BAZ2A: variants seen among roughly 807,000 people sequenced by gnomAD.
BAZ2A encodes the protein bromodomain adjacent to zinc finger domain 2A, also known as bromodomain adjacent to zinc finger domain protein 2A.
BAZ2A carries 34 observed loss-of-function variants against 199.9 expected under a neutral mutation model. The observed-to-expected ratio is 0.17, with a 90% confidence interval of 0.13 to 0.23. BAZ2A has a LOEUF of 0.23. Ranked by LOEUF, BAZ2A falls within the 10% of genes least tolerant of loss-of-function variation. The pLI is 1.00. For missense variants in BAZ2A, 2,002 were observed against 2,391.1 expected, an observed-to-expected ratio of 0.84 and a Z score of 3.39; for synonymous variants, 857 against 883.9, an observed-to-expected ratio of 0.97 and a Z score of 0.54.
At position 56,596,089 on chromosome 12, in the gene BAZ2A, GAAAT is replaced by G. The variant is rs1231812529; in HGVS notation, c.*2525_*2528del. On this transcript the variant is annotated 3_prime_UTR_variant, in exon 29 of 29. Transcript: ENST00000549884. ...GAGATTGGTCCTAAAAATATAGAAA[GAAAT>G]AAATTTAAATTCACAAAAAACTGTA... 3 of 152,752 alleles carry G rather than the reference GAAAT, an allele frequency of 2.0e-5. No individual in the cohort carries two copies. Among genetic ancestry groups the G allele is most frequent in the Admixed American group, 6.5e-5 (1 of 15,304 alleles). The allele number at this position is 152,752 out of a possible 1,614,324, so 9.5% of individuals were successfully genotyped here. A position where few individuals can be genotyped will look rare whatever the true frequency, so the allele number is the denominator to read the frequency against.
rs1555204166 is a variant in BAZ2A, at chr12:56,597,562, G to GCACACGCACACA, written c.*1055_*1056insTGTGTGCGTGTG. 1.3e-4 allele frequency: 18 copies of GCACACGCACACA among 138,734 alleles called. 1 individual carries two copies. In the East Asian group the frequency reaches 3.0e-3, roughly 23 times the overall value. 8.6% of individuals were successfully genotyped at this position (138,734 alleles called of 1,614,324 possible). ...TCAAACAATACAGGGTCACAAGCAC[G>GCACACGCACACA]CACACACACACACACACACAGCGCG... On this transcript the variant is annotated 3_prime_UTR_variant, in exon 29 of 29. Transcript: ENST00000549884.
At chr12:56,634,438 T>C (rs188866643), upstream of BAZ2A, among the ~76,000 whole-genome samples, 5 of 152,286 alleles carry the variant, frequency 3.3e-5, no homozygotes, top group East Asian at 5.8e-4. Flanking sequence ...CTCCCGGAGA[T>C]GTAGGGTGGG....
intron 13 of BAZ2A, 92 bp downstream of exon 13, chr12:56,605,738 G>A: frequency 2.3e-6 from 3 of 1,332,322 alleles, no homozygotes; most frequent in South Asian, 1.5e-5. Flanking sequence ...AATCTTTAAT[G>A]GAAATGTCTC....
At chr12:56,621,703 T>C (rs1203796847) in intron 1 of BAZ2A, among the ~76,000 whole-genome samples, 1 of 151,898 alleles carries the variant, frequency 6.6e-6, no homozygotes, top group Non-Finnish European at 1.5e-5. Context: ...TTTTTTTTCT[T>C]CTTGAGACAG....
At chr12:56,620,992 T>A in intron 1 of BAZ2A, 1 of 877,992 alleles carries the variant, frequency 1.1e-6, no homozygotes, top group African/African-American at 1.8e-5. Flanking sequence ...CCAGTTAGGT[T>A]CCTTCCAAAG....
chr12:56,634,161 G>A (rs1224982599), upstream of BAZ2A, among the ~76,000 whole-genome samples: 9 of 152,174 alleles, frequency 5.9e-5, no homozygotes, highest in Admixed American at 3.3e-4. Flanking sequence ...GAGTCGGGGG[G>A]CTTCCTTTGC....
intron 23 of BAZ2A, 35 bp from the exon 24 acceptor site, chr12:56,600,525 A>C (rs750079069): frequency 2.5e-6 from 4 of 1,590,050 alleles, no homozygotes; most frequent in Non-Finnish European, 3.4e-6. Flanking sequence ...ACTCACTGTA[A>C]AAGGAGGAAA....
chr12:56,609,860 A>C lies in BAZ2A; in HGVS notation c.1968T>G (p.Thr656=). Residue 656 remains threonine (T), a synonymous_variant, in exon 10 of 29, where the codon ACT becomes ACG. Transcript: ENST00000549884. ...GGACTTCCTTAGTCTTAGCCTTCTCAGTGTTTCGAGGTCGACCCCGTTTGC... is the reference window on the plus strand; with the variant it reads ...GGACTTCCTTAGTCTTAGCCTTCTCCGTGTTTCGAGGTCGACCCCGTTTGC... The part of the protein sequence containing the change: ...ITGKRGRPRN[T]EKAKTKEVPK... 1 of 1,613,686 alleles carries C rather than the reference A, an allele frequency of 6.2e-7. No homozygotes were observed. The highest frequency in any genetic ancestry group is 8.5e-7 in the Non-Finnish European group (1 of 1,179,822).
rs759006748 is a variant in BAZ2A at position 56,611,592 on chromosome 12, G to A, written c.1651C>T (p.Arg551Cys). ...ATTTACCCATGTTGGAGGGGAAGAC[G>A]AACTTCTTCTGGGGTAGCAATACGT... is the stretch of plus-strand genomic sequence containing the variant. The part of the protein sequence containing the change: ...RRRIATPEEV[R>C]LPLQHGWRRE... Residue 551 changes from arginine to cysteine, a missense_variant, in exon 7 of 29, where the codon CGT (arginine) becomes TGT (cysteine). Physicochemically the swap from Arg to Cys is radical, Grantham distance 180 (BLOSUM62 -3). Transcript: ENST00000549884. 12 of 1,613,112 alleles carry A rather than the reference G, an allele frequency of 7.4e-6. No homozygotes were observed. Among genetic ancestry groups the A allele is most frequent in the South Asian group, 2.2e-5 (2 of 90,854 alleles).
At chr12:56,608,303 C>G (rs2136936313) in intron 10 of BAZ2A, among the ~76,000 whole-genome samples, 1 of 150,006 alleles carries the variant, frequency 6.7e-6, no homozygotes, top group African/African-American at 2.5e-5. Context: ...ATCCAGGAGG[C>G]AGAGCTTGTA....
In BAZ2A at chr12:56,609,085, C is replaced by T. The variant is rs898864176; in HGVS notation, c.2092+651G>A. 9.2e-5 allele frequency among the ~76,000 whole-genome samples: 14 copies of T among 151,746 alleles called. No homozygotes were observed. In the East Asian group the frequency reaches 1.9e-3, roughly 21 times the overall value. The stretch of plus-strand genomic sequence containing the variant: ...AGTAGAGACGGGGTTTTACCATGTT[C>T]GCCAGGATGGTCTCAATCTCTTGAC... On this transcript the variant is annotated intron_variant, in intron 10 of 28. Coordinates refer to ENST00000549884, the MANE Select transcript of BAZ2A (RefSeq NM_001300905.2).
chr12:56,618,849 G>A (rs138688617), intron 1 of BAZ2A, among the ~76,000 whole-genome samples: 2 of 151,778 alleles, frequency 1.3e-5, no homozygotes, highest in African/African-American at 4.8e-5. Context: ...CAGCCTGGGC[G>A]ACAAGAGTGA....
Position 56,598,960 on chromosome 12 carries a change from C to T in BAZ2A, c.5454G>A (p.Glu1818=), listed in dbSNP as rs1438674505. The T allele has an allele frequency of 6.2e-7, 1 of 1,609,958 alleles. No individual in the cohort carries two copies. Among genetic ancestry groups the T allele is most frequent in the African/African-American group, 1.3e-5 (1 of 74,926 alleles). ...CACTCACCAAACGTGGGTTCACAGG[C>T]TCTAGGAAAGGCCAGGCTGCATCAT... ...ESHDAAWPFL[E]PVNPRLVSGY... Residue 1818 remains glutamate, a synonymous_variant, in exon 28 of 29, where the codon GAG becomes GAA. Coordinates refer to ENST00000549884, the MANE Select transcript of BAZ2A (RefSeq NM_001300905.2).
rs1038502632 is a variant in BAZ2A at position 56,602,806 on chromosome 12, C to A, written c.3331G>T (p.Ala1111Ser). The change falls in exon 19 of 29, where the codon GCG (alanine) becomes TCG (serine). Residue 1111 changes from alanine (A) to serine (S), a missense_variant. By Grantham distance (99) the Ala-to-Ser change is moderately conservative. This residue lies in a region of BAZ2A where 1,081 missense variants were observed against 1,274.7 expected (regional missense o/e 0.85). Transcript: ENST00000549884. ...TAGCGGTCCTGACCCAGGGAGACCG[C>A]CCGAAGCATCTGGGATGAGTGAAGC... ...KLLHSSQMLR[A>S]VSLGQDRYRR... The A allele has an allele frequency of 2.5e-6, 4 of 1,613,842 alleles. No homozygotes were observed. Among genetic ancestry groups the A allele is most frequent in the Non-Finnish European group, 3.4e-6 (4 of 1,179,790 alleles).
At chr12:56,623,468 G>A (rs951842201) in intron 1 of BAZ2A, among the ~76,000 whole-genome samples, 14 of 152,228 alleles carry the variant, frequency 9.2e-5, no homozygotes, top group Admixed American at 3.9e-4. Context: ...ATGGGGTTGG[G>A]GGGTGAGAGA....
Position 56,609,774 on chromosome 12 carries a change from T to G in BAZ2A, c.2054A>C (p.Lys685Thr), listed in dbSNP as rs1435868662. 2 of 1,613,992 alleles carry G rather than the reference T, an allele frequency of 1.2e-6. No homozygotes were observed. The highest frequency in any genetic ancestry group is 2.2e-5 in the South Asian group (2 of 91,064). Residue 685 changes from lysine (K) to threonine (T), a missense_variant, in exon 10 of 29, where the codon AAG becomes ACG. Transcript: ENST00000549884. ...PKVKITELLNKTDNRPLKKLE... is the reference protein window; with the variant it reads ...PKVKITELLNTTDNRPLKKLE... ...TTTCTTTAGGGGGCGGTTGTCTGTC[T>G]TGTTCAATAGCTCAGTGATTTTGAC...
chr12:56,604,953 A>G, intron 14 of BAZ2A, 120 bp downstream of exon 14: 1 of 1,408,864 alleles, frequency 7.1e-7, no homozygotes, highest in Non-Finnish European at 9.5e-7. Flanking sequence ...ATAAAGAAAA[A>G]TAAAATAAGG....
chr12:56,615,981 G>A (rs940453465), intron 2 of BAZ2A, among the ~76,000 whole-genome samples: 11 of 152,130 alleles, frequency 7.2e-5, no homozygotes, highest in Admixed American at 6.6e-4. Context: ...TCGACCCACG[G>A]CAACCTCTGC....
At position 56,603,670 on chromosome 12, in the gene BAZ2A, C is replaced by A; in HGVS notation, c.3069G>T (p.Gly1023=). ...GCCCTTCCATCTCTACTTCAGACCGCCCAGTTCGCTTGGCCAGAACAGTTT... is the reference window on the plus strand; with the variant it reads ...GCCCTTCCATCTCTACTTCAGACCGACCAGTTCGCTTGGCCAGAACAGTTT... ...RLKTVLAKRT[G]RSEVEMEGPE... is the part of the protein sequence containing the mutation. The change falls in exon 17 of 29, where the codon GGG becomes GGT. Residue 1023 remains glycine, a synonymous_variant. Transcript: ENST00000549884. The A allele has an allele frequency of 1.9e-6, 3 of 1,614,014 alleles. No homozygotes were observed. The South Asian group carries it at 3.3e-5, about 18-fold the overall frequency.
Sources: allele counts gnomAD v4.1 joint callset (sites outside exome capture counted in the v4.1 genomes callset), GRCh38; gene constraint gnomAD v4.1.1; regional missense constraint gnomAD v4.1.1; transcripts MANE v1.5; gene names NCBI Gene and HGNC (gene_info 2026-07-23, HGNC 2026-07-21).